The following CEP350 variants were observed in gnomAD, a reference collection of about 807,000 sequenced individuals.
CEP350 encodes centrosome-associated protein 350.
Under a neutral mutation model 331.8 loss-of-function variants are expected in CEP350, and 126 were observed. The observed-to-expected ratio is 0.38, with a 90% CI of 0.33 to 0.44. The LOEUF is 0.44. Ranked by LOEUF, CEP350 falls within the 20% of genes least tolerant of loss-of-function variation. The pLI is 1.00. For missense variants in CEP350, 3,406 were observed against 3,634.6 expected (o/e 0.94, Z 1.62); for synonymous variants, 1,200 against 1,259.5 (o/e 0.95, Z 1.00).
intron 1 of CEP350, among the ~76,000 whole-genome samples, chr1:179,973,664 T>A (rs1010729238): frequency 4.6e-5 from 7 of 152,236 alleles, no homozygotes; most frequent in Admixed American, 1.3e-4. Context: ...TAGCTTATTA[T>A]GTGACTACTT....
At chr1:180,074,713 G>A (rs1052476510) in intron 27 of CEP350, among the ~76,000 whole-genome samples, 1 of 152,122 alleles carries the variant, frequency 6.6e-6, no homozygotes, top group Admixed American at 6.5e-5. Flanking sequence ...TACAAAAAAT[G>A]AATATCTAAA....
chr1:179,981,669 G>T (rs549636179), intron 1 of CEP350, among the ~76,000 whole-genome samples: 9 of 152,144 alleles, frequency 5.9e-5, no homozygotes, highest in Non-Finnish European at 8.8e-5. Flanking sequence ...GCAAATTCAG[G>T]TGCTTCATGA....
chr1:180,081,785 CAT>C (rs780138749), intron 30 of CEP350, among the ~76,000 whole-genome samples: 19 of 152,166 alleles, frequency 1.2e-4, no homozygotes, highest in Non-Finnish European at 2.1e-4. Context: ...TTATGACTCA[CAT>C]GTGTATGTGA....
At chr1:180,091,160 C>A (rs1215346339) in intron 33 of CEP350, among the ~76,000 whole-genome samples, 1 of 151,436 alleles carries the variant, frequency 6.6e-6, no homozygotes, top group Admixed American at 6.6e-5. Context: ...ATCACAGGCA[C>A]ATGCCACCAT....
intron 14 of CEP350, among the ~76,000 whole-genome samples, chr1:180,029,107 C>T (rs1655851084): frequency 6.6e-6 from 1 of 152,134 alleles, no homozygotes; most frequent in Non-Finnish European, 1.5e-5. Context: ...AAAATTTACC[C>T]AGTGTAGTTG....
At position 180,096,105 on chromosome 1, in the gene CEP350, C is replaced by A; in HGVS notation, c.8987C>A (p.Pro2996His). The change falls in exon 36 of 38, where the codon CCT becomes CAT. Residue 2996 changes from proline to histidine, a missense_variant. By Grantham distance (77) the Pro-to-His change is moderately conservative. Coordinates refer to ENST00000367607, the MANE Select transcript of CEP350 (RefSeq NM_014810.5). ...IFAEDPNLNQ[P>H]VWMKPCRINS... Reference sequence around the variant, plus strand: ...GCTGAGGATCCCAACTTAAATCAACCTGTCTGGATGAAGCCATGTAGAATC... The same window carrying A: ...GCTGAGGATCCCAACTTAAATCAACATGTCTGGATGAAGCCATGTAGAATC... The A allele has an allele frequency of 6.4e-7, 1 of 1,560,298 alleles. No individual in the cohort carries two copies. Among genetic ancestry groups the A allele is most frequent in the Non-Finnish European group, 8.7e-7 (1 of 1,150,584 alleles).
chr1:180,027,028 A>G (rs551889276), intron 14 of CEP350, among the ~76,000 whole-genome samples: 5 of 152,370 alleles, frequency 3.3e-5, no homozygotes, highest in African/African-American at 1.2e-4. Flanking sequence ...AGGAACTGCC[A>G]TAATGTTTTC....
intron 1 of CEP350, among the ~76,000 whole-genome samples, chr1:179,981,550 T>C (rs567251673): frequency 1.4e-4 from 22 of 152,338 alleles, no homozygotes; most frequent in African/African-American, 5.0e-4. Context: ...ACAAAAATGG[T>C]GATTTAAAAA....
In CEP350 at chr1:180,020,653, G is replaced by T. The variant is rs1655267624; in HGVS notation, c.2879G>T (p.Ser960Ile). 1 of 1,613,996 alleles carries T rather than the reference G, an allele frequency of 6.2e-7. No individual in the cohort carries two copies. The highest frequency in any genetic ancestry group is 1.3e-5 in the African/African-American group (1 of 75,026). ...TGTAAAAGGCAGACTGACTCTTCTA[G>T]CTCTGATATGCAAGCCTGTTCTCAA... ...QLCKRQTDSS[S>I]SDMQACSQDK... The change falls in exon 12 of 38, where the codon AGC (serine) becomes ATC (isoleucine). Residue 960 changes from serine (S) to isoleucine (I), a missense_variant. Around this residue, in one of 5 missense-constraint regions of CEP350, gnomAD observed 1,857 missense variants for 1,909.2 expected, o/e 0.97. Coordinates refer to ENST00000367607, the MANE Select transcript of CEP350 (RefSeq NM_014810.5).
At chr1:180,062,047 ATATATG>A (rs1178569023) in intron 25 of CEP350, among the ~76,000 whole-genome samples, 167 bp from the exon 26 acceptor site, 1 of 152,104 alleles carries the variant, frequency 6.6e-6, no homozygotes, top group Non-Finnish European at 1.5e-5. Context: ...TGGTGGGATT[ATATATG>A]ATTTATTTCC....
rs559782998 is a variant in CEP350 at position 180,091,623 on chromosome 1, G to C, written c.6508+827G>C. 1.8e-4 allele frequency among the ~76,000 whole-genome samples: 28 copies of C among 152,210 alleles called. 1 individual carries two copies. Among genetic ancestry groups the C allele is most frequent in the Admixed American group, 1.1e-3 (17 of 15,290 alleles). ...AAGTAGGCAGGTCACTTGAGCTCAG[G>C]AGTTTGAGACCAGCCTGGGCAATAT... On this transcript the variant is annotated intron_variant, in intron 33 of 37. Coordinates refer to ENST00000367607, the MANE Select transcript of CEP350 (RefSeq NM_014810.5).
chr1:180,082,084 G>A (rs1659606534), intron 30 of CEP350, among the ~76,000 whole-genome samples: 1 of 152,170 alleles, frequency 6.6e-6, no homozygotes, highest in Admixed American at 6.5e-5. Context: ...CTTTCTTCAA[G>A]TTTCTTTGCC....
chr1:180,022,639 T>C, intron 12 of CEP350, 59 bp from the exon 13 acceptor site: 1 of 1,507,288 alleles, frequency 6.6e-7, no homozygotes, highest in Non-Finnish European at 9.1e-7. Flanking sequence ...TATGGGATGC[T>C]TTTCTTACAG....
At chr1:180,025,352 A>G (rs1251577876) in intron 14 of CEP350, among the ~76,000 whole-genome samples, 3 of 152,168 alleles carry the variant, frequency 2.0e-5, no homozygotes, top group Non-Finnish European at 4.4e-5. Flanking sequence ...GTAATTTTTA[A>G]GCTTATATGA....
chr1:179,977,124 T>C (rs1482931480), intron 1 of CEP350, among the ~76,000 whole-genome samples: 1 of 152,228 alleles, frequency 6.6e-6, no homozygotes, highest in East Asian at 1.9e-4. Flanking sequence ...TAGGATGCTT[T>C]TGAGTCGCTT....
chr1:179,969,588 AAAAC>A (rs1211924054), intron 1 of CEP350: 13 of 318,036 alleles, frequency 4.1e-5, no homozygotes, highest in Non-Finnish European at 8.1e-5. Context: ...AAAAAAGACA[AAAAC>A]AAATTATTTC....
At chr1:180,032,126 A>G (rs893693638) in intron 15 of CEP350, among the ~76,000 whole-genome samples, 1 of 152,088 alleles carries the variant, frequency 6.6e-6, no homozygotes, top group Non-Finnish European at 1.5e-5. Flanking sequence ...CGATGCACTT[A>G]GTCCGTTGCT....
At chr1:180,100,529 C>G (rs1660745512) in intron 37 of CEP350, among the ~76,000 whole-genome samples, 1 of 152,168 alleles carries the variant, frequency 6.6e-6, no homozygotes, top group African/African-American at 2.4e-5. Context: ...AAAAATTGTG[C>G]TAATTAAGGA....
intron 27 of CEP350, among the ~76,000 whole-genome samples, chr1:180,069,568 A>T (rs764456588): frequency 2.0e-5 from 3 of 152,184 alleles, no homozygotes; most frequent in Non-Finnish European, 4.4e-5. Flanking sequence ...TATTCTCTGC[A>T]GGAATTCCTA....
Sources: allele counts gnomAD v4.1 joint callset (sites outside exome capture counted in the v4.1 genomes callset), GRCh38; gene constraint gnomAD v4.1.1; regional missense constraint gnomAD v4.1.1; transcripts MANE v1.5; gene names NCBI Gene and HGNC (gene_info 2026-07-23, HGNC 2026-07-21).